ROBO2: variants seen among roughly 807,000 people sequenced by gnomAD.
The protein encoded by ROBO2 is roundabout guidance receptor 2.
A neutral mutation model predicts 160.8 loss-of-function variants in ROBO2; 53 were observed. That is an observed-to-expected ratio of 0.33 (90% confidence interval 0.26 to 0.41). The LOEUF is 0.41. ROBO2 is among the 10% of genes least tolerant of loss of function. The probability of loss-of-function intolerance (pLI) is 1.00; values close to 1 mark genes in which losing one functional copy is unlikely to be tolerated. For missense variants in ROBO2, 1,577 were observed against 1,722.4 expected (o/e 0.92, Z 1.49); for synonymous variants, 664 against 611.7 (o/e 1.09, Z -1.26).
intron 2 of ROBO2, among the ~76,000 whole-genome samples, chr3:76,015,862 C>G (rs1378622339): frequency 6.6e-6 from 1 of 152,200 alleles, no homozygotes; most frequent in Non-Finnish European, 1.5e-5. Flanking sequence ...TTAATAATCA[C>G]AAATGCTTTC....
At chr3:76,423,834 A>G (rs554003510) in intron 2 of ROBO2, among the ~76,000 whole-genome samples, 9 of 152,256 alleles carry the variant, frequency 5.9e-5, no homozygotes, top group Non-Finnish European at 1.3e-4. Context: ...TGAGATAAAA[A>G]CGATCATTGT....
chr3:77,303,314 A>C (rs2062813819), intron 2 of ROBO2, among the ~76,000 whole-genome samples: 1 of 152,178 alleles, frequency 6.6e-6, no homozygotes, highest in African/African-American at 2.4e-5. Flanking sequence ...TAAGTTGTTG[A>C]ATGGTTGAAA....
chr3:77,185,644 G>T (rs529085096), intron 2 of ROBO2, among the ~76,000 whole-genome samples: 2 of 152,002 alleles, frequency 1.3e-5, no homozygotes, highest in Admixed American at 6.6e-5. Flanking sequence ...ATTTGATCCG[G>T]TGATCTCACT....
chr3:77,522,281 C>T (rs552476449), intron 5 of ROBO2, among the ~76,000 whole-genome samples: 15 of 150,898 alleles, frequency 9.9e-5, no homozygotes, highest in Non-Finnish European at 1.9e-4. Context: ...GATTACATAC[C>T]CTTAATTCTT....
At chr3:77,382,734 G>A (rs2073668242) in intron 2 of ROBO2, among the ~76,000 whole-genome samples, 1 of 152,190 alleles carries the variant, frequency 6.6e-6, no homozygotes, top group South Asian at 2.1e-4. Flanking sequence ...TCCATTTGCT[G>A]CAAAAGACGC....
chr3:76,064,351 C>G (rs2068173500), intron 2 of ROBO2, among the ~76,000 whole-genome samples: 1 of 152,144 alleles, frequency 6.6e-6, no homozygotes, highest in South Asian at 2.1e-4. Flanking sequence ...GGAAGCTCGG[C>G]TGCAAATCCT....
chr3:76,620,193 T>G lies in ROBO2; in HGVS notation c.110-477821T>G, dbSNP rs533072584. Among the ~76,000 whole-genome samples, 20 of 152,294 alleles carry G rather than the reference T, an allele frequency of 1.3e-4. No individual in the cohort carries two copies. The East Asian group carries it at 3.9e-3, about 29-fold the overall frequency. On this transcript the variant is annotated intron_variant, in intron 2 of 26. Coordinates refer to the ROBO2 transcript ENST00000487694. ...TTGTCCCACCAAATGTCAAGGTTAT[T>G]TGTATATGATATGACTAAATGCCAT...
chr3:76,709,063 T>A (rs267160), intron 2 of ROBO2, among the ~76,000 whole-genome samples: 65,133 of 152,004 alleles, frequency 0.43, 15,131 homozygotes, highest in Non-Finnish European at 0.53. Context: ...GAGAAGATAA[T>A]GGATTTATTT....
chr3:76,640,232 A>G (rs2090582979), intron 2 of ROBO2, among the ~76,000 whole-genome samples: 1 of 152,204 alleles, frequency 6.6e-6, no homozygotes, highest in Admixed American at 6.5e-5. Flanking sequence ...ACAGATAGAC[A>G]TCAAAATAAA....
At chr3:77,288,789 G>T (rs62249729) in intron 2 of ROBO2, among the ~76,000 whole-genome samples, 1 of 152,000 alleles carries the variant, frequency 6.6e-6, no homozygotes, top group African/African-American at 2.4e-5. Flanking sequence ...TCAAGCATAC[G>T]GATACAAATT....
chr3:76,985,881 A>T (rs1475068506), intron 2 of ROBO2, among the ~76,000 whole-genome samples: 1 of 152,110 alleles, frequency 6.6e-6, no homozygotes. Flanking sequence ...GGGACCATTA[A>T]CTCCATGTGG....
intron 1 of ROBO2, among the ~76,000 whole-genome samples, chr3:77,065,153 T>C (rs560046687): frequency 1.3e-5 from 2 of 152,320 alleles, no homozygotes; most frequent in East Asian, 3.9e-4. Flanking sequence ...TTAGTAATAC[T>C]ATCACAGTCT....
chr3:76,459,128 G>A (rs768990809), intron 2 of ROBO2, among the ~76,000 whole-genome samples: 22 of 152,202 alleles, frequency 1.4e-4, no homozygotes, highest in Admixed American at 8.5e-4. Context: ...GGCTCACTCC[G>A]CTTCGTTTGT....
At chr3:76,071,603 C>G (rs570094065) in intron 2 of ROBO2, among the ~76,000 whole-genome samples, 4 of 152,080 alleles carry the variant, frequency 2.6e-5, no homozygotes, top group African/African-American at 9.6e-5. Flanking sequence ...TAAATACAAG[C>G]TTTTACTTTG....
chr3:77,503,749 T>G (rs2088025723), intron 5 of ROBO2, among the ~76,000 whole-genome samples: 1 of 152,004 alleles, frequency 6.6e-6, no homozygotes, highest in Non-Finnish European at 1.5e-5. Context: ...TTTTTTTCAT[T>G]TTTTTAAAAC....
At chr3:77,571,689 T>C (rs1213757547) in intron 13 of ROBO2, among the ~76,000 whole-genome samples, 1 of 152,002 alleles carries the variant, frequency 6.6e-6, no homozygotes, top group Non-Finnish European at 1.5e-5. Flanking sequence ...CAGACTCTGA[T>C]TGTAATCAAC....
At chr3:76,362,369 T>TA (rs527416931) in intron 2 of ROBO2, among the ~76,000 whole-genome samples, 51 of 151,816 alleles carry the variant, frequency 3.4e-4, no homozygotes, top group African/African-American at 1.2e-3. Flanking sequence ...GACCTTCTCT[T>TA]AAAAAAAAGT....
intron 11 of ROBO2, chr3:77,564,356 A>C (rs2093420244): frequency 2.4e-6 from 1 of 409,552 alleles, no homozygotes; most frequent in African/African-American, 2.1e-5. Context: ...CACCGTTCTG[A>C]GATGAGAAAT....
At chr3:76,709,059 A>G (rs1402502234) in intron 2 of ROBO2, among the ~76,000 whole-genome samples, 3 of 152,258 alleles carry the variant, frequency 2.0e-5, no homozygotes, top group East Asian at 3.9e-4. Flanking sequence ...GTTGGAGAAG[A>G]TAATGGATTT....
Sources: allele counts gnomAD v4.1 joint callset (sites outside exome capture counted in the v4.1 genomes callset), GRCh38; gene constraint gnomAD v4.1.1; transcripts MANE v1.5; gene names NCBI Gene and HGNC (gene_info 2026-07-23, HGNC 2026-07-21).